Variants in PTPRD observed in about 807,000 individuals in gnomAD.
PTPRD encodes the protein receptor-type tyrosine-protein phosphatase delta.
In PTPRD, 34 loss-of-function variants were observed where a neutral mutation model predicts 214.5. The ratio of observed to expected loss-of-function variants is 0.16; its 90% CI spans 0.12 to 0.21. The LOEUF is 0.21. PTPRD is among the 10% of genes least tolerant of loss of function. PTPRD has a pLI of 1.00. For synonymous variants in PTPRD, 1,128 were observed against 845.7 expected, an observed-to-expected ratio of 1.33 and a Z score of -5.79; for missense variants, 2,545 against 2,398.7, an observed-to-expected ratio of 1.06 and a Z score of -1.27.
chr9:9,069,516 G>A (rs1447786676), intron 10 of PTPRD, among the ~76,000 whole-genome samples: 2 of 152,182 alleles, frequency 1.3e-5, no homozygotes, highest in African/African-American at 4.8e-5. Flanking sequence ...CAGACTCAAA[G>A]CAAGAAGAGT....
At chr9:10,092,948 A>G (rs375498825) in intron 3 of PTPRD, among the ~76,000 whole-genome samples, 1 of 151,744 alleles carries the variant, frequency 6.6e-6, no homozygotes, top group Non-Finnish European at 1.5e-5. Context: ...TACAAAAATT[A>G]ACTCAAGATA....
At chr9:9,557,210 G>A (rs970915609) in intron 8 of PTPRD, among the ~76,000 whole-genome samples, 1 of 152,088 alleles carries the variant, frequency 6.6e-6, no homozygotes, top group East Asian at 1.9e-4. Context: ...TGAAAAACTA[G>A]TTCAGGCCAT....
intron 12 of PTPRD, among the ~76,000 whole-genome samples, chr9:8,709,851 C>T (rs560591446): frequency 6.6e-6 from 1 of 152,204 alleles, no homozygotes; most frequent in South Asian, 2.1e-4. Context: ...GTAAATAGGG[C>T]ATCTTTAAGT....
At chr9:9,908,371 C>G (rs550672143) in intron 5 of PTPRD, among the ~76,000 whole-genome samples, 1 of 151,894 alleles carries the variant, frequency 6.6e-6, no homozygotes, top group Non-Finnish European at 1.5e-5. Flanking sequence ...AACATGTGAA[C>G]AGGTGGGAAG....
In PTPRD at chr9:9,187,767, A is replaced by G. The variant is rs184229857; in HGVS notation, c.-202-4404T>C. 4.6e-5 allele frequency among the ~76,000 whole-genome samples: 7 copies of G among 150,922 alleles called. No homozygotes were observed. The East Asian group carries it at 5.8e-4, about 13-fold the overall frequency. ...CAAATAAATTGTACCTCTCATGACTAAAGAATAAGAGGATTTTTTTTTTGT... is the reference window on the plus strand; with the variant it reads ...CAAATAAATTGTACCTCTCATGACTGAAGAATAAGAGGATTTTTTTTTTGT... On this transcript the variant is annotated intron_variant, in intron 9 of 45. Coordinates refer to ENST00000381196, the MANE Select transcript of PTPRD (RefSeq NM_002839.4).
At chr9:8,987,569 C>T (rs1481381065) in intron 11 of PTPRD, among the ~76,000 whole-genome samples, 4 of 151,992 alleles carry the variant, frequency 2.6e-5, no homozygotes, top group Non-Finnish European at 5.9e-5. Flanking sequence ...TGATATGTGC[C>T]AGGTGAAATA....
chr9:10,184,816 T>C (rs891131629), intron 3 of PTPRD, among the ~76,000 whole-genome samples: 2 of 152,210 alleles, frequency 1.3e-5, no homozygotes, highest in Admixed American at 6.5e-5. Flanking sequence ...AGAGAAGGCA[T>C]GTAAAACCCT....
intron 9 of PTPRD, among the ~76,000 whole-genome samples, chr9:9,283,365 G>A (rs1948395193): frequency 6.6e-6 from 1 of 151,404 alleles, no homozygotes; most frequent in African/African-American, 2.4e-5. Flanking sequence ...GTATTACTGT[G>A]AGATCTTTCA....
At chr9:10,164,339 T>C (rs1281557086) in intron 3 of PTPRD, among the ~76,000 whole-genome samples, 2 of 151,592 alleles carry the variant, frequency 1.3e-5, no homozygotes, top group Non-Finnish European at 1.5e-5. Context: ...ATTAGCTATT[T>C]ATTATTTCAG....
intron 35 of PTPRD, among the ~76,000 whole-genome samples, chr9:8,432,412 T>C (rs2095115447): frequency 6.6e-6 from 1 of 152,206 alleles, no homozygotes; most frequent in African/African-American, 2.4e-5. Flanking sequence ...TAGGATCTAA[T>C]AATACTGTGC....
chr9:10,358,768 C>A (rs974834097), intron 2 of PTPRD, among the ~76,000 whole-genome samples: 3 of 151,860 alleles, frequency 2.0e-5, no homozygotes, highest in Non-Finnish European at 4.4e-5. Context: ...ATTGCTTGTT[C>A]ATTTGATAGA....
chr9:10,368,358 T>C (rs1339546424), intron 2 of PTPRD, among the ~76,000 whole-genome samples: 1 of 152,166 alleles, frequency 6.6e-6, no homozygotes, highest in Non-Finnish European at 1.5e-5. Context: ...AAATGGATTT[T>C]CTTTGCTAGA....
intron 11 of PTPRD, among the ~76,000 whole-genome samples, chr9:8,859,058 G>C (rs762510728): frequency 6.6e-6 from 1 of 152,224 alleles, no homozygotes; most frequent in African/African-American, 2.4e-5. Context: ...AGCGTGCTTT[G>C]ATGAGACACA....
intron 39 of PTPRD, among the ~76,000 whole-genome samples, chr9:8,353,934 GTACA>G (rs1564202441): frequency 6.4e-5 from 5 of 77,996 alleles, no homozygotes; most frequent in African/African-American, 2.1e-4. Context: ...ATATGTGTGT[GTACA>G]TATATATATA....
chr9:9,342,441 G>C (rs1238862026), intron 9 of PTPRD, among the ~76,000 whole-genome samples: 1 of 152,126 alleles, frequency 6.6e-6, no homozygotes, highest in African/African-American at 2.4e-5. Flanking sequence ...AGTAATGTTA[G>C]TAAATAAAAT....
intron 2 of PTPRD, among the ~76,000 whole-genome samples, chr9:10,474,240 C>G (rs547331795): frequency 6.6e-6 from 1 of 151,622 alleles, no homozygotes; most frequent in South Asian, 2.1e-4. Flanking sequence ...GGAGACCCAT[C>G]TCACGTTCAA....
chr9:8,895,119 T>A (rs2098597863), intron 11 of PTPRD, among the ~76,000 whole-genome samples: 2 of 152,228 alleles, frequency 1.3e-5, no homozygotes, highest in South Asian at 4.1e-4. Flanking sequence ...GTAACTATAT[T>A]AATTACCAAT....
intron 9 of PTPRD, among the ~76,000 whole-genome samples, chr9:9,234,388 C>T (rs1594191202): frequency 6.6e-6 from 1 of 152,148 alleles, no homozygotes; most frequent in South Asian, 2.1e-4. Context: ...TCCTCCTAGG[C>T]TTCCAGGTCT....
chr9:9,011,280 C>T (rs1405627119), intron 11 of PTPRD, among the ~76,000 whole-genome samples: 3 of 152,142 alleles, frequency 2.0e-5, no homozygotes, highest in African/African-American at 7.2e-5. Flanking sequence ...GCTTATAATT[C>T]ATCTATTATT....
Sources: allele counts gnomAD v4.1 joint callset (sites outside exome capture counted in the v4.1 genomes callset), GRCh38; gene constraint gnomAD v4.1.1; transcripts MANE v1.5; gene names NCBI Gene and HGNC (gene_info 2026-07-23, HGNC 2026-07-21).